Variants in PPME1 observed in about 807,000 individuals in gnomAD.
The protein encoded by PPME1 is testicular secretory protein Li 39.
PPME1 carries 17 observed loss-of-function variants against 56.9 expected under a neutral mutation model. The observed-to-expected ratio is 0.30, with a 90% CI of 0.20 to 0.45. The LOEUF (loss-of-function observed/expected upper bound fraction) is 0.45, where lower values mean the gene tolerates loss of function less well. Among genes scored for constraint, PPME1 ranks in the 20% least tolerant of loss-of-function variants. The probability of loss-of-function intolerance (pLI) is 1.00; values close to 1 mark genes in which losing one functional copy is unlikely to be tolerated. For missense variants in PPME1, 357 were observed against 483.2 expected (o/e 0.74, Z 2.45); for synonymous variants, 122 against 156.2 (o/e 0.78, Z 1.63).
intron 3 of PPME1, among the ~76,000 whole-genome samples, chr11:74,214,124 A>T: frequency 6.6e-6 from 1 of 152,354 alleles, no homozygotes; most frequent in South Asian, 2.1e-4. Flanking sequence ...TTATCTATAG[A>T]TAAATTTAAC....
intron 3 of PPME1, among the ~76,000 whole-genome samples, chr11:74,218,763 A>C (rs1461211078): frequency 3.3e-5 from 5 of 152,262 alleles, no homozygotes; most frequent in Admixed American, 2.6e-4. Flanking sequence ...AATGAATTAA[A>C]GACTCAAACT....
intron 1 of PPME1, among the ~76,000 whole-genome samples, chr11:74,198,484 CAG>C (rs1176020905): frequency 6.6e-6 from 1 of 152,064 alleles, no homozygotes; most frequent in Non-Finnish European, 1.5e-5. Context: ...TTTTTGGAGA[CAG>C]GGTTTCGCCT....
At chr11:74,242,878 C>CAAA (rs5792649) in intron 9 of PPME1, among the ~76,000 whole-genome samples, 37 of 61,374 alleles carry the variant, frequency 6.0e-4, no homozygotes, top group African/African-American at 1.6e-3. Flanking sequence ...GACTCTGTCT[C>CAAA]AAAAAAAAAA....
chr11:74,225,263 A>T lies in PPME1; in HGVS notation c.398+7A>T. ...CTGCAGAAACAATGGCAAAGTAAGTAACCAAATATTTCTTATACATTGCCT... is the reference window on the plus strand; with the variant it reads ...CTGCAGAAACAATGGCAAAGTAAGTTACCAAATATTTCTTATACATTGCCT... On this transcript the variant is annotated splice_region_variant and intron_variant, in intron 5 of 13. Transcript: ENST00000328257. The T allele has an allele frequency of 6.5e-7, 1 of 1,549,734 alleles. No individual in the cohort carries two copies.
chr11:74,199,073 G>A (rs1283987312), intron 1 of PPME1, among the ~76,000 whole-genome samples: 1 of 152,152 alleles, frequency 6.6e-6, no homozygotes, highest in East Asian at 1.9e-4. Flanking sequence ...TGTTTTCAGT[G>A]TTCCCTATGA....
At chr11:74,235,619 T>A in intron 7 of PPME1, 1 of 354,086 alleles carries the variant, frequency 2.8e-6, no homozygotes. Flanking sequence ...TGTGTCTTTT[T>A]CTCCCTACCG....
chr11:74,251,450 C>T (rs1859658680), intron 12 of PPME1, 198 bp from the exon 13 acceptor site: 5 of 1,421,600 alleles, frequency 3.5e-6, no homozygotes, highest in Non-Finnish European at 4.6e-6. Flanking sequence ...CTCTATGGAG[C>T]TATCCCTGGC....
chr11:74,219,158 GA>G (rs1266561246), intron 3 of PPME1, among the ~76,000 whole-genome samples: 1 of 152,082 alleles, frequency 6.6e-6, no homozygotes, highest in East Asian at 1.9e-4. Flanking sequence ...GATCACCAGA[GA>G]AATGGAAATG....
intron 9 of PPME1, among the ~76,000 whole-genome samples, chr11:74,241,876 T>G (rs1245777368): frequency 6.6e-6 from 1 of 152,224 alleles, no homozygotes; most frequent in Non-Finnish European, 1.5e-5. Flanking sequence ...TCTATATATA[T>G]TCTAGATACA....
At chr11:74,197,256 G>A (rs1858008897) in intron 1 of PPME1, among the ~76,000 whole-genome samples, 1 of 152,146 alleles carries the variant, frequency 6.6e-6, no homozygotes, top group African/African-American at 2.4e-5. Flanking sequence ...ACCCAGCTAA[G>A]TGCTTTATGC....
intron 1 of PPME1, among the ~76,000 whole-genome samples, chr11:74,191,914 C>T (rs1158231993): frequency 6.6e-6 from 1 of 152,210 alleles, no homozygotes; most frequent in Non-Finnish European, 1.5e-5. Flanking sequence ...TAGGGCAATG[C>T]TGAGGGGAAA....
At chr11:74,249,059 C>T (rs10898966) in intron 11 of PPME1, 26,936 of 152,214 alleles carry the variant, frequency 0.18, 2,591 homozygotes, top group East Asian at 0.3. Context: ...TGATGCCTTT[C>T]ATTATATTCA....
intron 9 of PPME1, among the ~76,000 whole-genome samples, chr11:74,244,574 T>A (rs1239307258): frequency 6.6e-6 from 1 of 152,188 alleles, no homozygotes; most frequent in Non-Finnish European, 1.5e-5. Flanking sequence ...TCTAGAGAAA[T>A]GTCTATTCAA....
At chr11:74,202,550 G>A (rs760116077) in intron 1 of PPME1, among the ~76,000 whole-genome samples, 18 of 152,120 alleles carry the variant, frequency 1.2e-4, no homozygotes, top group Non-Finnish European at 2.2e-4. Flanking sequence ...ATTCTCCATA[G>A]CATATACAGG....
At chr11:74,188,080 A>C (rs935080897) in intron 1 of PPME1, among the ~76,000 whole-genome samples, 13 of 152,152 alleles carry the variant, frequency 8.5e-5, no homozygotes, top group South Asian at 2.1e-4. Flanking sequence ...TAGACCTCTC[A>C]ATCTGGGCAC....
chr11:74,230,971 T>C lies in PPME1; in HGVS notation c.613T>C (p.Phe205Leu). 1 of 1,602,814 alleles carries C rather than the reference T, an allele frequency of 6.2e-7. No homozygotes were observed. The highest frequency in any genetic ancestry group is 1.1e-5 in the South Asian group (1 of 88,550). The change falls in exon 7 of 14, where the codon TTC becomes CTC. Residue 205 changes from phenylalanine (F) to leucine (L), a missense_variant. Around this residue, in one of 2 missense-constraint regions of PPME1, gnomAD observed 182 missense variants for 293.8 expected, o/e 0.62. Transcript: ENST00000328257. This position sits in a 1 kb window ranked among gnomAD's most constrained non-coding sequence, Gnocchi z 4.9. ...TTTCTTACGGGGTCGTCCTAAAACC[T>C]TCAAGTCTCTGGAGAATGCTATTGA... Reference protein sequence around the residue: ...QNFLRGRPKTFKSLENAIEWS... With the variant: ...QNFLRGRPKTLKSLENAIEWS...
At chr11:74,203,121 C>A (rs1236108997) in intron 1 of PPME1, among the ~76,000 whole-genome samples, 2 of 152,060 alleles carry the variant, frequency 1.3e-5, no homozygotes, top group African/African-American at 4.8e-5. Context: ...CTATTACAAA[C>A]GATGTTTCAT....
chr11:74,188,555 A>G (rs1591020979), intron 1 of PPME1, among the ~76,000 whole-genome samples: 1 of 152,294 alleles, frequency 6.6e-6, no homozygotes, highest in East Asian at 1.9e-4. Flanking sequence ...TTCAAAATTA[A>G]GATTATAGGG....
chr11:74,183,067 T>G (rs889092814), intron 1 of PPME1, among the ~76,000 whole-genome samples: 4 of 147,644 alleles, frequency 2.7e-5, no homozygotes, highest in African/African-American at 5.0e-5. Flanking sequence ...GAGTTCGAGG[T>G]GGGAGGATTG....
Sources: gnomAD v4.1 joint callset for allele counts (sites outside exome capture counted in the v4.1 genomes callset) on GRCh38, gnomAD v4.1.1 for gene constraint, gnomAD v4.1.1 regional missense constraint, Gnocchi (gnomAD v3.1) non-coding constraint, MANE v1.5 for transcripts, NCBI Gene and HGNC (gene_info 2026-07-23, HGNC 2026-07-21) for gene names.